GALNTL6: variants seen among roughly 807,000 people sequenced by gnomAD.
GALNTL6 encodes polypeptide N-acetylgalactosaminyltransferase-like 6.
A neutral mutation model predicts 73.7 loss-of-function variants in GALNTL6; 46 were observed. That is an observed-to-expected ratio of 0.62 (90% confidence interval 0.49 to 0.80). GALNTL6 has a LOEUF of 0.80. Ranked by LOEUF, GALNTL6 falls within the 30% of genes least tolerant of loss-of-function variation. The pLI, the probability that GALNTL6 is intolerant of heterozygous loss-of-function variation, is 0.00. For synonymous variants in GALNTL6, 259 were observed against 263.7 expected, an observed-to-expected ratio of 0.98 and a Z score of 0.17; for missense variants, 604 against 755.0, an observed-to-expected ratio of 0.80 and a Z score of 2.34.
intron 5 of GALNTL6, among the ~76,000 whole-genome samples, chr4:172,755,382 A>G (rs1737698545): frequency 6.6e-6 from 1 of 152,174 alleles, no homozygotes; most frequent in South Asian, 2.1e-4. Flanking sequence ...TTTTTTGAGA[A>G]GTAAAATATA....
chr4:172,732,529 G>A (rs1437845), intron 5 of GALNTL6, among the ~76,000 whole-genome samples: 47,615 of 152,006 alleles, frequency 0.31, 8,111 homozygotes, highest in Middle Eastern at 0.46. Context: ...CACATTTAGC[G>A]TTATTATTGA....
At chr4:172,016,416 T>A (rs1461027418) in intron 2 of GALNTL6, among the ~76,000 whole-genome samples, 2 of 152,060 alleles carry the variant, frequency 1.3e-5, no homozygotes, top group Non-Finnish European at 2.9e-5. Flanking sequence ...ACAGAAGTTG[T>A]GGTTGTCTTT....
At chr4:171,952,284 G>A (rs914156260) in intron 2 of GALNTL6, among the ~76,000 whole-genome samples, 3 of 151,856 alleles carry the variant, frequency 2.0e-5, no homozygotes, top group Non-Finnish European at 4.4e-5. Context: ...GGCCCCATAA[G>A]CATAAAGTAC....
intron 2 of GALNTL6, among the ~76,000 whole-genome samples, chr4:171,988,943 G>C (rs542065651): frequency 2.4e-4 from 37 of 151,966 alleles, no homozygotes; most frequent in Admixed American, 5.2e-4. Flanking sequence ...TGGCAATGAG[G>C]TGTGGCTGTA....
At chr4:172,654,840 T>C (rs1730895390) in intron 5 of GALNTL6, among the ~76,000 whole-genome samples, 1 of 152,234 alleles carries the variant, frequency 6.6e-6, no homozygotes, top group Non-Finnish European at 1.5e-5. Flanking sequence ...AGAATTATAG[T>C]AATAATAACA....
At chr4:171,978,359 C>A (rs1328853806) in intron 2 of GALNTL6, among the ~76,000 whole-genome samples, 2 of 152,072 alleles carry the variant, frequency 1.3e-5, no homozygotes, top group African/African-American at 2.4e-5. Flanking sequence ...ACTTTTGTGG[C>A]TCTTCTCCAA....
chr4:172,852,178 C>A (rs1743859560), intron 7 of GALNTL6, among the ~76,000 whole-genome samples: 1 of 152,074 alleles, frequency 6.6e-6, no homozygotes, highest in African/African-American at 2.4e-5. Context: ...ATAGTAAACC[C>A]CAAAACCTCA....
At chr4:172,596,370 G>A (rs12647470) in intron 5 of GALNTL6, among the ~76,000 whole-genome samples, 69,277 of 151,188 alleles carry the variant, frequency 0.46, 17,652 homozygotes, top group East Asian at 0.68. Context: ...GCTTGAGCCC[G>A]GGAGGCAGAG....
intron 2 of GALNTL6, among the ~76,000 whole-genome samples, chr4:171,969,890 C>T (rs1313308303): frequency 6.6e-6 from 1 of 152,098 alleles, no homozygotes; most frequent in Non-Finnish European, 1.5e-5. Context: ...ATGCCTCAGC[C>T]TCCCAAATAG....
chr4:172,046,526 A>C (rs1258137032), intron 2 of GALNTL6, among the ~76,000 whole-genome samples: 1 of 152,046 alleles, frequency 6.6e-6, no homozygotes, highest in African/African-American at 2.4e-5. Context: ...CATTTCACTG[A>C]CCCTTGTTAT....
chr4:172,199,903 T>C (rs1368299417), intron 2 of GALNTL6, among the ~76,000 whole-genome samples: 1 of 152,186 alleles, frequency 6.6e-6, no homozygotes, highest in Admixed American at 6.5e-5. Flanking sequence ...ATATACCTCA[T>C]TTGAATTATT....
chr4:172,663,484 G>A (rs1034385785), intron 5 of GALNTL6, among the ~76,000 whole-genome samples: 3 of 152,274 alleles, frequency 2.0e-5, no homozygotes, highest in Non-Finnish European at 2.9e-5. Context: ...CTCCCTAAGC[G>A]GGACAACCCC....
At chr4:171,910,703 T>G (rs1170364798) in intron 2 of GALNTL6, among the ~76,000 whole-genome samples, 1 of 152,156 alleles carries the variant, frequency 6.6e-6, no homozygotes, top group Admixed American at 6.6e-5. Context: ...CTTATACTTC[T>G]TATGGTTAAC....
At chr4:172,563,259 C>T (rs893989859) in intron 5 of GALNTL6, among the ~76,000 whole-genome samples, 1 of 152,086 alleles carries the variant, frequency 6.6e-6, no homozygotes, top group Non-Finnish European at 1.5e-5. Context: ...TAGCAGAAAC[C>T]TTCTCTCCCC....
At chr4:172,334,393 T>C (rs7695823) in intron 4 of GALNTL6, among the ~76,000 whole-genome samples, 1 of 152,086 alleles carries the variant, frequency 6.6e-6, no homozygotes, top group Non-Finnish European at 1.5e-5. Context: ...TATAGTATAT[T>C]TTTCCATTTG....
chr4:172,403,549 T>C (rs7349716), intron 5 of GALNTL6, among the ~76,000 whole-genome samples: 5,042 of 151,852 alleles, frequency 0.033, 110 homozygotes, highest in South Asian at 0.035. Context: ...AAAAATTGTC[T>C]TAAATAACTA....
intron 12 of GALNTL6, among the ~76,000 whole-genome samples, chr4:173,022,979 C>G (rs1360685319): frequency 6.6e-6 from 1 of 152,168 alleles, no homozygotes; most frequent in African/African-American, 2.4e-5. Context: ...ATCCATGGAC[C>G]TGCTGGGGCC....
intron 2 of GALNTL6, among the ~76,000 whole-genome samples, chr4:171,877,748 C>G (rs1186302077): frequency 6.6e-6 from 1 of 152,158 alleles, no homozygotes; most frequent in Non-Finnish European, 1.5e-5. Flanking sequence ...CCTCTTTCTT[C>G]TTTATTATAG....
chr4:172,347,834 A>T (rs1413961671), intron 4 of GALNTL6, among the ~76,000 whole-genome samples: 4 of 152,188 alleles, frequency 2.6e-5, no homozygotes, highest in African/African-American at 4.8e-5. Flanking sequence ...TAATGAATAA[A>T]GGAATACAAT....
Sources: allele counts gnomAD v4.1 joint callset (sites outside exome capture counted in the v4.1 genomes callset), GRCh38; gene constraint gnomAD v4.1.1; transcripts MANE v1.5; gene names NCBI Gene and HGNC (gene_info 2026-07-23, HGNC 2026-07-21).